Variants in MGAT4C observed in about 807,000 individuals in gnomAD.
MGAT4C encodes the protein MGAT4 family member C, also known as alpha-1,3-mannosyl-glycoprotein 4-beta-N-acetylglucosaminyltransferase C.
MGAT4C carries 19 observed loss-of-function variants against 40.1 expected under a neutral mutation model. The observed-to-expected ratio is 0.47, with a 90% confidence interval of 0.33 to 0.70. The LOEUF (loss-of-function observed/expected upper bound fraction) is 0.70. MGAT4C is among the 30% of genes least tolerant of loss of function. MGAT4C has a pLI of 0.02. For missense variants in MGAT4C, 491 were observed against 563.2 expected, an observed-to-expected ratio of 0.87 and a Z score of 1.30; for synonymous variants, 181 against 187.1, an observed-to-expected ratio of 0.97 and a Z score of 0.27.
intron 1 of MGAT4C, among the ~76,000 whole-genome samples, chr12:86,220,649 A>G (rs1000973042): frequency 2.0e-5 from 3 of 152,116 alleles, no homozygotes; most frequent in African/African-American, 7.2e-5. Flanking sequence ...ATATGTTTTT[A>G]TCTATGTAGG....
chr12:86,760,386 T>C (rs1414996932), intron 1 of MGAT4C, among the ~76,000 whole-genome samples: 3 of 151,942 alleles, frequency 2.0e-5, no homozygotes, highest in African/African-American at 7.2e-5. Context: ...TTTTTGTTTT[T>C]GTTTTTTTTT....
At chr12:86,702,541 A>C (rs569642023) in intron 2 of MGAT4C, among the ~76,000 whole-genome samples, 1 of 152,298 alleles carries the variant, frequency 6.6e-6, no homozygotes, top group Non-Finnish European at 1.5e-5. Context: ...GAAATCCTAT[A>C]GCTCTTAAAA....
At chr12:86,561,611 A>G (rs1462588620) in intron 2 of MGAT4C, among the ~76,000 whole-genome samples, 1 of 152,110 alleles carries the variant, frequency 6.6e-6, no homozygotes, top group African/African-American at 2.4e-5. Context: ...TGAAGGCTCC[A>G]CTCATAGTAT....
At chr12:86,311,900 GT>G (rs1300091849) in intron 4 of MGAT4C, among the ~76,000 whole-genome samples, 3 of 152,180 alleles carry the variant, frequency 2.0e-5, no homozygotes, top group African/African-American at 7.2e-5. Context: ...GGACACAGGT[GT>G]TAGGAGAGTT....
At chr12:86,704,342 A>T (rs1252618404) in intron 2 of MGAT4C, among the ~76,000 whole-genome samples, 1 of 152,160 alleles carries the variant, frequency 6.6e-6, no homozygotes, top group East Asian at 1.9e-4. Context: ...TGTGATACAG[A>T]CCTTACCTTT....
chr12:86,733,692 T>C (rs916562190), intron 1 of MGAT4C, among the ~76,000 whole-genome samples: 1 of 152,046 alleles, frequency 6.6e-6, no homozygotes, highest in Non-Finnish European at 1.5e-5. Flanking sequence ...AATTGTACTG[T>C]ATGAACTTTC....
Position 86,412,690 on chromosome 12 carries a change from G to T in MGAT4C, c.-120+22467C>A, listed in dbSNP as rs186603927. Among the ~76,000 whole-genome samples the T allele has an allele frequency of 1.6e-3, 246 of 152,252 alleles. 1 individual carries two copies. The highest frequency in any genetic ancestry group is 5.2e-3 in the Admixed American group (79 of 15,280). On this transcript the variant is annotated intron_variant, in intron 3 of 7. Transcript: ENST00000548651. ...GCAGACTTCTGAGTTAATGCTGAAA[G>T]AAATTAAGACTTTAGGGGACTGTTT...
chr12:86,114,716 T>A (rs1410633041), intron 1 of MGAT4C, among the ~76,000 whole-genome samples: 2 of 151,930 alleles, frequency 1.3e-5, no homozygotes, highest in African/African-American at 2.4e-5. Context: ...AAATAATTGA[T>A]ATTAGATAGC....
intron 3 of MGAT4C, among the ~76,000 whole-genome samples, chr12:86,389,729 T>C (rs1489522348): frequency 6.6e-6 from 1 of 152,216 alleles, no homozygotes; most frequent in Non-Finnish European, 1.5e-5. Flanking sequence ...CAAATTATTA[T>C]GTTTTACAGT....
chr12:86,024,954 G>A (rs1890117827), intron 2 of MGAT4C, among the ~76,000 whole-genome samples: 1 of 150,618 alleles, frequency 6.6e-6, no homozygotes, highest in Non-Finnish European at 1.5e-5. Flanking sequence ...ATTAAACCTT[G>A]TTATATTAAC....
chr12:86,806,903 G>A (rs1251562957), intron 1 of MGAT4C, among the ~76,000 whole-genome samples: 1 of 151,854 alleles, frequency 6.6e-6, no homozygotes, highest in Non-Finnish European at 1.5e-5. Flanking sequence ...TATACCTAAT[G>A]TGAATAACGA....
At chr12:86,811,191 G>A (rs1354471565) in intron 1 of MGAT4C, among the ~76,000 whole-genome samples, 2 of 151,232 alleles carry the variant, frequency 1.3e-5, no homozygotes, top group Non-Finnish European at 3.0e-5. Flanking sequence ...TTAGATTGGT[G>A]ATTTCTTTTC....
At chr12:86,007,249 A>G (rs1348122761) in intron 2 of MGAT4C, among the ~76,000 whole-genome samples, 1 of 152,178 alleles carries the variant, frequency 6.6e-6, no homozygotes, top group Non-Finnish European at 1.5e-5. Flanking sequence ...CAATACCAAT[A>G]GTGAAGAATA....
intron 1 of MGAT4C, among the ~76,000 whole-genome samples, chr12:86,070,983 T>C (rs1326636014): frequency 1.3e-5 from 2 of 152,040 alleles, no homozygotes; most frequent in African/African-American, 2.4e-5. Flanking sequence ...TTATTCTAAA[T>C]TGCAGCTAAA....
intron 2 of MGAT4C, among the ~76,000 whole-genome samples, chr12:86,544,393 T>C: frequency 6.6e-6 from 1 of 152,190 alleles, no homozygotes; most frequent in East Asian, 1.9e-4. Flanking sequence ...TATATGTTCT[T>C]GGTGGATTTA....
intron 1 of MGAT4C, among the ~76,000 whole-genome samples, chr12:86,246,257 C>T (rs1566215283): frequency 6.9e-6 from 1 of 144,902 alleles, no homozygotes; most frequent in Non-Finnish European, 1.5e-5. Flanking sequence ...TTGATCTCCG[C>T]TCACTGCAAG....
chr12:86,614,174 C>G (rs1430207517), intron 2 of MGAT4C, among the ~76,000 whole-genome samples: 1 of 152,108 alleles, frequency 6.6e-6, no homozygotes, highest in African/African-American at 2.4e-5. Context: ...AGAAGTCAGG[C>G]AATAACTTCT....
rs75581901 is a variant in MGAT4C at position 86,505,431 on chromosome 12, A to C, written c.-228-70166T>G. On this transcript the variant is annotated intron_variant, in intron 2 of 7. Coordinates refer to the MGAT4C transcript ENST00000548651. ...AAATGTAATTAGGATATGCCAGTTT[A>C]GGTGAGGCCAGAAGTCAGGCCCACC... Among the ~76,000 whole-genome samples the C allele has an allele frequency of 3.4e-3, 511 of 152,338 alleles. 1 individual carries two copies. The highest frequency in any genetic ancestry group is 0.012 in the African/African-American group (494 of 41,572).
intron 2 of MGAT4C, among the ~76,000 whole-genome samples, chr12:86,490,681 GAC>G (rs1958115008): frequency 6.6e-6 from 1 of 151,418 alleles, no homozygotes; most frequent in African/African-American, 2.4e-5. Flanking sequence ...GGAAAGCAGA[GAC>G]ACACATAGGC....
Sources: allele counts gnomAD v4.1 joint callset (sites outside exome capture counted in the v4.1 genomes callset), GRCh38; gene constraint gnomAD v4.1.1; transcripts MANE v1.5; gene names NCBI Gene and HGNC (gene_info 2026-07-23, HGNC 2026-07-21).